The following EXTL3 variants were observed in gnomAD, a reference collection of about 807,000 sequenced individuals.
EXTL3 encodes the protein exostosin like glycosyltransferase 3.
EXTL3 carries 27 observed loss-of-function variants against 69.3 expected under a neutral mutation model. The ratio of observed to expected loss-of-function variants is 0.39; its 90% confidence interval spans 0.29 to 0.54. EXTL3 has a LOEUF of 0.54. Ranked by LOEUF, EXTL3 falls within the 20% of genes least tolerant of loss-of-function variation. The pLI, the probability that EXTL3 is intolerant of heterozygous loss-of-function variation, is 0.69. For missense variants in EXTL3, 1,003 were observed against 1,231.8 expected (o/e 0.81, Z 2.78); for synonymous variants, 511 against 499.4 (o/e 1.02, Z -0.31).
intron 1 of EXTL3, among the ~76,000 whole-genome samples, chr8:28,693,801 C>T (rs1800650425): frequency 1.3e-5 from 2 of 152,146 alleles, no homozygotes; most frequent in African/African-American, 4.8e-5. Flanking sequence ...CACTGATAGA[C>T]CAAAGAGAAG....
intron 2 of EXTL3, among the ~76,000 whole-genome samples, chr8:28,612,776 T>C (rs933102764): frequency 1.3e-5 from 2 of 152,192 alleles, no homozygotes; most frequent in Admixed American, 1.3e-4. Context: ...TGGAGTGCAG[T>C]GGCACAATCA....
chr8:28,662,714 G>C (rs1477230148), intron 1 of EXTL3, among the ~76,000 whole-genome samples: 3 of 151,028 alleles, frequency 2.0e-5, no homozygotes, highest in Non-Finnish European at 2.9e-5. Context: ...AGGGGTTCGA[G>C]ACCAGCCTGG....
At chr8:28,681,052 A>G (rs1188258316) in intron 1 of EXTL3, among the ~76,000 whole-genome samples, 1 of 151,564 alleles carries the variant, frequency 6.6e-6, no homozygotes, top group Non-Finnish European at 1.5e-5. Context: ...TAATTTTTGT[A>G]TTTTTAGTAG....
chr8:28,716,887 C>G lies in EXTL3; in HGVS notation c.828C>G (p.Ile276Met). 1 of 1,614,202 alleles carries G rather than the reference C, an allele frequency of 6.2e-7. No homozygotes were observed. The highest frequency in any genetic ancestry group is 8.5e-7 in the Non-Finnish European group (1 of 1,180,026). Residue 276 changes from isoleucine to methionine, a missense_variant, in exon 3 of 7, where the codon ATC becomes ATG. Coordinates refer to ENST00000220562, the MANE Select transcript of EXTL3 (RefSeq NM_001440.4). The surrounding 1 kb of genome is among the most constrained non-coding windows in gnomAD (Gnocchi z 7.1). Reference sequence around the variant, plus strand: ...CGGATGGACACAACCATGTCATCATCAATCTGTCACGTAAGTCAGATACAC... The same window carrying G: ...CGGATGGACACAACCATGTCATCATGAATCTGTCACGTAAGTCAGATACAC... ...WRTDGHNHVI[I>M]NLSRKSDTQN...
intron 1 of EXTL3, among the ~76,000 whole-genome samples, chr8:28,684,264 A>G (rs913934328): frequency 6.6e-6 from 1 of 151,962 alleles, no homozygotes; most frequent in Non-Finnish European, 1.5e-5. Flanking sequence ...TTTTTGATAT[A>G]CTGATTTTCT....
At chr8:28,721,780 C>T (rs1801297339) in intron 3 of EXTL3, among the ~76,000 whole-genome samples, 1 of 152,196 alleles carries the variant, frequency 6.6e-6, no homozygotes. Context: ...GTTTACACAT[C>T]TTCCTTACTC....
chr8:28,639,435 A>G (rs1004937229), intron 1 of EXTL3, among the ~76,000 whole-genome samples: 6 of 152,130 alleles, frequency 3.9e-5, no homozygotes, highest in African/African-American at 1.4e-4. Flanking sequence ...CACAGCTGGG[A>G]CCATCTTTTG....
intron 1 of EXTL3, among the ~76,000 whole-genome samples, chr8:28,630,132 G>T (rs918221637): frequency 2.0e-5 from 3 of 152,116 alleles, no homozygotes; most frequent in African/African-American, 7.2e-5. Flanking sequence ...TCGTGGGAGG[G>T]ACCTGGTGGG....
chr8:28,627,374 C>T (rs762916349), intron 1 of EXTL3, among the ~76,000 whole-genome samples: 1 of 151,318 alleles, frequency 6.6e-6, no homozygotes, highest in Non-Finnish European at 1.5e-5. Context: ...CATCTGTTGC[C>T]CAAACTACTA....
rs868813762 is a variant in EXTL3 at position 28,734,393 on chromosome 8, A to C, written c.2276+3043A>C. 3.3e-5 allele frequency among the ~76,000 whole-genome samples: 5 copies of C among 152,206 alleles called. No homozygotes were observed. In the Middle Eastern group the frequency reaches 0.01, roughly 311 times the overall value. On this transcript the variant is annotated intron_variant, in intron 4 of 6. Transcript: ENST00000220562. ...TTAATCTATAATAATTTTGGGGAAAAATTAGTTCTTCCCCACATCATTTGA... is the reference window on the plus strand; with the variant it reads ...TTAATCTATAATAATTTTGGGGAAACATTAGTTCTTCCCCACATCATTTGA...
At chr8:28,636,942 A>C (rs997982500) in intron 1 of EXTL3, among the ~76,000 whole-genome samples, 3 of 135,680 alleles carry the variant, frequency 2.2e-5, no homozygotes, top group African/African-American at 7.9e-5. Context: ...AGATCCCGCC[A>C]TTGCACTCTA....
At chr8:28,658,444 A>G (rs1397098243) in intron 1 of EXTL3, among the ~76,000 whole-genome samples, 1 of 152,190 alleles carries the variant, frequency 6.6e-6, no homozygotes, top group Non-Finnish European at 1.5e-5. Flanking sequence ...ACTAAAGCAC[A>G]TAAAAATATA....
chr8:28,724,164 T>C (rs1250436860), intron 3 of EXTL3, among the ~76,000 whole-genome samples: 2 of 151,920 alleles, frequency 1.3e-5, no homozygotes, highest in Non-Finnish European at 1.5e-5. Context: ...TTGTTAACAG[T>C]TTTTGGGCAT....
At chr8:28,628,116 C>T (rs1806521519) in intron 1 of EXTL3, among the ~76,000 whole-genome samples, 1 of 152,180 alleles carries the variant, frequency 6.6e-6, no homozygotes, top group Non-Finnish European at 1.5e-5. Flanking sequence ...AATCCTAGCA[C>T]TTTGGGAGGC....
At chr8:28,718,486 G>A (rs968553408) in intron 3 of EXTL3, among the ~76,000 whole-genome samples, 4 of 152,140 alleles carry the variant, frequency 2.6e-5, no homozygotes, top group Admixed American at 6.5e-5. Flanking sequence ...CGGTTATCCC[G>A]TAGACTTCCA....
At chr8:28,641,547 G>A (rs904810793) in intron 1 of EXTL3, among the ~76,000 whole-genome samples, 2 of 152,118 alleles carry the variant, frequency 1.3e-5, no homozygotes, top group African/African-American at 4.8e-5. Context: ...CATAATCTCA[G>A]CTCACTTCAA....
Position 28,662,762 on chromosome 8 carries a change from A to C in EXTL3, c.-53+39952A>C, listed in dbSNP as rs1807136469. Among the ~76,000 whole-genome samples the C allele has an allele frequency of 5.9e-5, 9 of 152,246 alleles. No individual in the cohort carries two copies. The South Asian group carries it at 1.9e-3, about 32-fold the overall frequency. On this transcript the variant is annotated intron_variant, in intron 1 of 6. Coordinates refer to the EXTL3 transcript ENST00000523149. ...AATCCTGTCTCTAAAAAATACAAAA[A>C]TTAGCCAGGCGTGGTGGCACGTGCC...
chr8:28,678,820 A>T (rs1391971808), intron 1 of EXTL3, among the ~76,000 whole-genome samples: 1 of 152,148 alleles, frequency 6.6e-6, no homozygotes, highest in Non-Finnish European at 1.5e-5. Context: ...ATATGTTCCA[A>T]CTGTTTGGTG....
chr8:28,700,862 G>C (rs1284093772), upstream of EXTL3: 1 of 152,306 alleles, frequency 6.6e-6, no homozygotes, highest in Non-Finnish European at 1.5e-5. Context: ...CCTTGGGACT[G>C]TGGAAAACGT....
Sources: allele counts gnomAD v4.1 joint callset (sites outside exome capture counted in the v4.1 genomes callset), GRCh38; gene constraint gnomAD v4.1.1; non-coding constraint Gnocchi (gnomAD v3.1); transcripts MANE v1.5; gene names NCBI Gene and HGNC (gene_info 2026-07-23, HGNC 2026-07-21).